The following TMEM175 variants were observed in gnomAD, a reference collection of about 807,000 sequenced individuals.
TMEM175 encodes transmembrane protein 175, also known as endosomal/lysosomal proton channel TMEM175.
In TMEM175, 36 loss-of-function variants were observed where a neutral mutation model predicts 36.5. The observed-to-expected ratio is 0.99, with a 90% CI of 0.76 to 1.30. TMEM175 has a LOEUF of 1.30. Ranked by LOEUF, TMEM175 falls within the 50% of genes most tolerant of loss-of-function variation. The pLI, the probability that TMEM175 is intolerant of heterozygous loss-of-function variation, is 0.00. For missense variants in TMEM175, 705 were observed against 692.8 expected, an observed-to-expected ratio of 1.02 and a Z score of -0.20; for synonymous variants, 339 against 313.4, an observed-to-expected ratio of 1.08 and a Z score of -0.86.
At chr4:938,573 G>A (rs559720043) in intron 1 of TMEM175, among the ~76,000 whole-genome samples, 4 of 152,152 alleles carry the variant, frequency 2.6e-5, no homozygotes, top group African/African-American at 7.2e-5. Context: ...AGGGTTCCAG[G>A]ATACAAGATA....
Position 951,719 on chromosome 4 carries a change from T to G in TMEM175, c.378+2T>G. The G allele has an allele frequency of 1.2e-6, 2 of 1,614,076 alleles. No homozygotes were observed. Among genetic ancestry groups the G allele is most frequent in the South Asian group, 2.2e-5 (2 of 91,084 alleles). ...ACCATCACCTTCCTGCCTTACACGG[T>G]GAGCAACACCAGGCCCCTGACACCC... is the stretch of plus-strand genomic sequence containing the variant. On this transcript the variant is annotated splice_donor_variant, in intron 6 of 10. Transcript: ENST00000264771. LOFTEE classifies it high-confidence loss of function.
intron 10 of TMEM175, among the ~76,000 whole-genome samples, chr4:957,572 AG>A (rs1437281096): frequency 6.6e-6 from 1 of 152,250 alleles, no homozygotes; most frequent in Non-Finnish European, 1.5e-5. Flanking sequence ...CTGGGCCAGC[AG>A]GGTTGGGCTC....
chr4:952,483 T>C, intron 7 of TMEM175, 33 bp downstream of exon 7: 1 of 860,898 alleles, frequency 1.2e-6, no homozygotes, highest in Non-Finnish European at 1.6e-6. Context: ...ACTGTGTGTG[T>C]GTGTGTGTGT....
At chr4:948,374 G>T in intron 3 of TMEM175, 1 of 1,532,362 alleles carries the variant, frequency 6.5e-7, no homozygotes, top group Non-Finnish European at 8.7e-7. Flanking sequence ...TGGGAGGGTG[G>T]GAGACTGGGC....
chr4:951,353 C>A, intron 5 of TMEM175, 95 bp downstream of exon 5: 1 of 1,399,546 alleles, frequency 7.1e-7, no homozygotes, highest in Non-Finnish European at 1.0e-6. Context: ...TCTCTCGTGA[C>A]CTCCAGGGAG....
rs578028640 is a variant in TMEM175, at chr4:947,498, C to T, written c.-31-211C>T. Among the ~76,000 whole-genome samples the T allele has an allele frequency of 1.4e-4, 22 of 152,302 alleles. No homozygotes were observed. In the South Asian group the frequency reaches 3.9e-3, roughly 27 times the overall value. ...GATCAGTGTTCACCAGTAACAGGGCCGGGAGTGGCATCTGTTGTTGGCCTC... is the reference window on the plus strand; with the variant it reads ...GATCAGTGTTCACCAGTAACAGGGCTGGGAGTGGCATCTGTTGTTGGCCTC... On this transcript the variant is annotated intron_variant, in intron 1 of 10. Coordinates refer to ENST00000264771, the MANE Select transcript of TMEM175 (RefSeq NM_032326.4).
chr4:955,070 C>A (rs1159516519), intron 8 of TMEM175, among the ~76,000 whole-genome samples: 8 of 152,128 alleles, frequency 5.3e-5, no homozygotes, highest in Admixed American at 5.2e-4. Flanking sequence ...CAACTCCTGT[C>A]TCCCAGGTTC....
intron 9 of TMEM175, 31 bp downstream of exon 9, chr4:955,514 A>G (rs769149559): frequency 9.6e-5 from 153 of 1,601,662 alleles, no homozygotes; most frequent in Non-Finnish European, 1.3e-4. Flanking sequence ...CTGGCCTGAG[A>G]GGCCTGTAGT....
At chr4:956,077 C>A in intron 10 of TMEM175, 187 bp downstream of exon 10, 3 of 819,008 alleles carry the variant, frequency 3.7e-6, no homozygotes, top group Non-Finnish European at 5.6e-6. Context: ...GGCGGCCCCT[C>A]CCTTCCCAGC....
At chr4:951,410 C>T in intron 5 of TMEM175, 152 bp downstream of exon 5, 3 of 960,270 alleles carry the variant, frequency 3.1e-6, no homozygotes, top group Non-Finnish European at 4.8e-6. Flanking sequence ...CTTGAATGAT[C>T]TTTCCCTCCC....
chr4:948,639 CAG>C, intron 3 of TMEM175: 1 of 1,250,646 alleles, frequency 8.0e-7, no homozygotes, highest in Non-Finnish European at 1.0e-6. Flanking sequence ...GGTTTACAAG[CAG>C]AGTTTCCACC....
intron 9 of TMEM175, 102 bp downstream of exon 9, chr4:955,585 C>A: frequency 6.9e-7 from 1 of 1,443,044 alleles, no homozygotes; most frequent in Non-Finnish European, 9.5e-7. Context: ...GGCCCGTGTG[C>A]GTGGTGGTGG....
intron 1 of TMEM175, among the ~76,000 whole-genome samples, chr4:944,967 G>C (rs1727947205): frequency 6.6e-6 from 1 of 152,156 alleles, no homozygotes; most frequent in African/African-American, 2.4e-5. Flanking sequence ...GCCAGGCTTG[G>C]TGGTGCACGC....
At chr4:949,612 G>A (rs562787514) in intron 3 of TMEM175, among the ~76,000 whole-genome samples, 19 of 152,336 alleles carry the variant, frequency 1.2e-4, no homozygotes, top group African/African-American at 4.1e-4. Context: ...CTAAGTTATT[G>A]ACCCAGAGAC....
At chr4:956,149 G>A in intron 10 of TMEM175, 1 of 685,546 alleles carries the variant, frequency 1.5e-6, no homozygotes, top group Non-Finnish European at 2.3e-6. Context: ...GCCAGGGTGA[G>A]GTCAGCACCA....
rs1711525511 is a variant in TMEM175 at position 958,332 on chromosome 4, A to C, written c.1351A>C (p.Met451Leu). The change falls in exon 11 of 11, where the codon ATG becomes CTG. Residue 451 changes from methionine (M) to leucine (L), a missense_variant. By Grantham distance (15) the Met-to-Leu change is conservative. Transcript: ENST00000264771. ...GTTCAGTGTGGGCATCTTCCACCTC[A>C]TGCAGATCGCCGTGCCCTGCGCCTT... ...SRFSVGIFHL[M>L]QIAVPCAFLL... is the part of the protein sequence containing the mutation. 3 of 1,604,842 alleles carry C rather than the reference A, an allele frequency of 1.9e-6. No individual in the cohort carries two copies. The Admixed American group carries it at 5.0e-5, about 27-fold the overall frequency.
At chr4:946,838 A>G (rs867330975) in intron 1 of TMEM175, among the ~76,000 whole-genome samples, 1 of 151,750 alleles carries the variant, frequency 6.6e-6, no homozygotes. Flanking sequence ...CGGCCCCTGT[A>G]GGAAACAGCC....
At chr4:953,834 C>A (rs1376462328) in intron 8 of TMEM175, among the ~76,000 whole-genome samples, 4 of 151,900 alleles carry the variant, frequency 2.6e-5, no homozygotes, top group Admixed American at 2.6e-4. Flanking sequence ...TACAGGTGTG[C>A]ACCACCACAC....
chr4:952,756 CTGTGTGTGTGTGTGTGCTGTA>C (rs1560493520), intron 7 of TMEM175, among the ~76,000 whole-genome samples: 1 of 142,590 alleles, frequency 7.0e-6, no homozygotes, highest in Admixed American at 7.0e-5. Flanking sequence ...GGGCCCTGTG[CTGTGTGTGTGTGTGTGCTGTA>C]TGTGTGTGTG....
Sources: gnomAD v4.1 joint callset for allele counts (sites outside exome capture counted in the v4.1 genomes callset) on GRCh38, gnomAD v4.1.1 for gene constraint, MANE v1.5 for transcripts, NCBI Gene and HGNC (gene_info 2026-07-23, HGNC 2026-07-21) for gene names.